Variants in CC2D2A observed in about 807,000 individuals in gnomAD.
The protein encoded by CC2D2A is coiled-coil and C2 domain containing 2A.
CC2D2A carries 155 observed loss-of-function variants against 212.9 expected under a neutral mutation model. That is an observed-to-expected ratio of 0.73 (90% confidence interval 0.64 to 0.83). CC2D2A has a LOEUF of 0.83. CC2D2A is among the 40% of genes least tolerant of loss of function. CC2D2A has a pLI of 0.00. For synonymous variants in CC2D2A, 667 were observed against 686.5 expected (o/e 0.97, Z 0.44); for missense variants, 1,856 against 1,956.2 (o/e 0.95, Z 0.97).
At chr4:15,517,240 C>T (rs1049281744) in intron 11 of CC2D2A, among the ~76,000 whole-genome samples, 5 of 151,660 alleles carry the variant, frequency 3.3e-5, no homozygotes, top group Non-Finnish European at 7.4e-5. Flanking sequence ...AGCCACCGCG[C>T]CCAGCCCAAT....
At chr4:15,530,916 A>T (rs1312713687) in intron 13 of CC2D2A, among the ~76,000 whole-genome samples, 2 of 152,106 alleles carry the variant, frequency 1.3e-5, no homozygotes, top group Non-Finnish European at 2.9e-5. Context: ...TCATGACTAC[A>T]TTCCTTATCC....
chr4:15,556,349 T>C (rs1011205402), intron 20 of CC2D2A, among the ~76,000 whole-genome samples: 5 of 152,226 alleles, frequency 3.3e-5, no homozygotes, highest in Admixed American at 6.5e-5. Context: ...AACCTTGGTT[T>C]ATTCTGACTT....
chr4:15,541,388 C>G (rs10020408), intron 17 of CC2D2A, among the ~76,000 whole-genome samples: 42,976 of 151,752 alleles, frequency 0.28, 6,219 homozygotes, highest in East Asian at 0.46. Flanking sequence ...TTCATTACAG[C>G]TTTGAGATGA....
Position 15,478,763 on chromosome 4 carries a change from A to G in CC2D2A, c.80A>G (p.Gln27Arg), listed in dbSNP as rs1411525644. The G allele has an allele frequency of 1.9e-6, 3 of 1,555,518 alleles. No homozygotes were observed. Among genetic ancestry groups the G allele is most frequent in the Non-Finnish European group, 1.7e-6 (2 of 1,149,072 alleles). Residue 27 changes from glutamine (Q) to arginine (R), a missense_variant, in exon 3 of 37, where the codon CAG becomes CGG. Around this residue, in one of 5 missense-constraint regions of CC2D2A, gnomAD observed 1,512 missense variants for 1,579.3 expected, o/e 0.96. Coordinates refer to ENST00000424120, the MANE Select transcript of CC2D2A (RefSeq NM_001378615.1). ...GATGAGGATGCAGACATGGGAAGAC[A>G]GAATAAGAACTCAAAGGTTCGAAGA... Reference protein sequence around the residue: ...ENDEDADMGRQNKNSKVRRQP... With the variant: ...ENDEDADMGRRNKNSKVRRQP...
intron 32 of CC2D2A, among the ~76,000 whole-genome samples, chr4:15,589,330 T>C (rs569897637): frequency 6.6e-6 from 1 of 152,190 alleles, no homozygotes; most frequent in Non-Finnish European, 1.5e-5. Context: ...TTGGTCATTG[T>C]ACTAGTATCA....
At chr4:15,515,003 T>A (rs1270378989) in intron 9 of CC2D2A, 134 bp downstream of exon 9, 1 of 757,938 alleles carries the variant, frequency 1.3e-6, no homozygotes. Flanking sequence ...AGAAATATCT[T>A]CAAACAAACA....
chr4:15,596,178 C>A lies in CC2D2A; in HGVS notation c.4408C>A (p.Leu1470Ile), dbSNP rs1721311684. 1 of 1,547,664 alleles carries A rather than the reference C, an allele frequency of 6.5e-7. No homozygotes were observed. Among genetic ancestry groups the A allele is most frequent in the Non-Finnish European group, 8.7e-7 (1 of 1,145,022 alleles). ...ATGGAAATCTTTCTTTTCAAGAAGCCTTCCATATCCTGGCCTTTCCAGTGT... is the reference window on the plus strand; with the variant it reads ...ATGGAAATCTTTCTTTTCAAGAAGCATTCCATATCCTGGCCTTTCCAGTGT... ...KLWKSFFSRS[L>I]PYPGLSSVQP... The change falls in exon 34 of 37, where the codon CTT (leucine) becomes ATT (isoleucine). Residue 1470 changes from leucine (L) to isoleucine (I), a missense_variant. Around this residue, in one of 5 missense-constraint regions of CC2D2A, gnomAD observed 285 missense variants for 278.4 expected, o/e 1.02. Coordinates refer to ENST00000424120, the MANE Select transcript of CC2D2A (RefSeq NM_001378615.1).
chr4:15,594,401 G>C (rs6825051), intron 33 of CC2D2A, among the ~76,000 whole-genome samples: 126,154 of 152,042 alleles, frequency 0.83, 52,622 homozygotes, highest in East Asian at 0.97. Flanking sequence ...GAGTCAGCTG[G>C]GGAGGTTCTG....
At chr4:15,542,646 CTG>C (rs1422489048) in intron 17 of CC2D2A, among the ~76,000 whole-genome samples, 1 of 152,180 alleles carries the variant, frequency 6.6e-6, no homozygotes, top group Non-Finnish European at 1.5e-5. Flanking sequence ...TCTGTACTGA[CTG>C]ATAAATAGCT....
chr4:15,495,358 C>T (rs1012284255), intron 4 of CC2D2A, among the ~76,000 whole-genome samples: 18 of 152,182 alleles, frequency 1.2e-4, no homozygotes, highest in Non-Finnish European at 2.2e-4. Flanking sequence ...ATCCTCTCAC[C>T]TCGGCCTCTC....
At chr4:15,475,807 C>T (rs1457417592) in intron 1 of CC2D2A, 108 bp from the exon 2 acceptor site, 1 of 895,728 alleles carries the variant, frequency 1.1e-6, no homozygotes, top group Non-Finnish European at 1.8e-6. Flanking sequence ...GTCTACCCAG[C>T]TCAAACACTT....
At chr4:15,507,591 A>G (rs1268222782) in intron 6 of CC2D2A, among the ~76,000 whole-genome samples, 1 of 152,240 alleles carries the variant, frequency 6.6e-6, no homozygotes, top group African/African-American at 2.4e-5. Context: ...GTTCACTGAA[A>G]ATCAGCTGAC....
chr4:15,576,380 A>C, intron 29 of CC2D2A: 1 of 984,880 alleles, frequency 1.0e-6, no homozygotes, highest in Non-Finnish European at 1.2e-6. Flanking sequence ...CTGGATTAGC[A>C]GATTAGAGTC....
At chr4:15,574,822 T>C (rs1045998369) in intron 29 of CC2D2A, among the ~76,000 whole-genome samples, 2 of 152,234 alleles carry the variant, frequency 1.3e-5, no homozygotes, top group African/African-American at 4.8e-5. Flanking sequence ...GAAATAAATA[T>C]ATGTACAAGT....
At chr4:15,598,453 T>C (rs537758725) in intron 35 of CC2D2A, among the ~76,000 whole-genome samples, 101 of 152,310 alleles carry the variant, frequency 6.6e-4, no homozygotes, top group Middle Eastern at 3.4e-3. Context: ...TACCTCAAAC[T>C]GTCCCCTCAT....
intron 23 of CC2D2A, among the ~76,000 whole-genome samples, chr4:15,561,311 C>G (rs1036863072): frequency 6.6e-6 from 1 of 152,088 alleles, no homozygotes; most frequent in African/African-American, 2.4e-5. Flanking sequence ...TCTTGGTCTC[C>G]TAAAAAGGTT....
intron 4 of CC2D2A, among the ~76,000 whole-genome samples, chr4:15,483,390 G>A (rs932687599): frequency 6.6e-6 from 1 of 152,178 alleles, no homozygotes; most frequent in African/African-American, 2.4e-5. Context: ...AGATGTATGT[G>A]TAGAAAACAC....
chr4:15,480,735 C>A lies in CC2D2A; in HGVS notation c.155C>A (p.Ser52Tyr). 1.2e-6 allele frequency: 2 copies of A among 1,611,830 alleles called. No individual in the cohort carries two copies. The highest frequency in any genetic ancestry group is 1.7e-6 in the Non-Finnish European group (2 of 1,179,072). ...PPTAVPKEMV[S>Y]EKSHLGNPQE... is the part of the protein sequence containing the mutation. ...ACTGCTGTCCCCAAGGAAATGGTGT[C>A]CGAAAAATCCCACCTTGGCAACCCC... The change falls in exon 4 of 37, where the codon TCC becomes TAC. Residue 52 changes from serine (S) to tyrosine (Y), a missense_variant. Ser to Tyr is a moderately radical substitution (Grantham distance 144). Transcript: ENST00000424120.
chr4:15,530,173 G>A (rs1050618512), intron 13 of CC2D2A, among the ~76,000 whole-genome samples: 1 of 151,958 alleles, frequency 6.6e-6, no homozygotes, highest in African/African-American at 2.4e-5. Flanking sequence ...GCGTTTCACC[G>A]CGTTAGCCAA....
Sources: allele counts gnomAD v4.1 joint callset (sites outside exome capture counted in the v4.1 genomes callset), GRCh38; gene constraint gnomAD v4.1.1; regional missense constraint gnomAD v4.1.1; transcripts MANE v1.5; gene names NCBI Gene and HGNC (gene_info 2026-07-23, HGNC 2026-07-21).